DENND10: variants seen among roughly 807,000 people sequenced by gnomAD.
DENND10 encodes DENN domain containing 10.
Under a neutral mutation model 43.6 loss-of-function variants are expected in DENND10, and 24 were observed. That is an observed-to-expected ratio of 0.55 (90% CI 0.40 to 0.77). The LOEUF (loss-of-function observed/expected upper bound fraction) is 0.77. Ranked by LOEUF, DENND10 falls within the 30% of genes least tolerant of loss-of-function variation. The pLI is 0.00. For missense variants in DENND10, 303 were observed against 429.9 expected (o/e 0.70, Z 2.61); for synonymous variants, 125 against 157.6 (o/e 0.79, Z 1.55).
At chr10:119,130,129 C>T (rs996899605) in intron 7 of DENND10, among the ~76,000 whole-genome samples, 2 of 151,696 alleles carry the variant, frequency 1.3e-5, no homozygotes, top group Admixed American at 6.6e-5. Context: ...CTCAGCCTCC[C>T]GAGTAGTTGG....
At chr10:119,131,689 T>G (rs572041755) in intron 7 of DENND10, among the ~76,000 whole-genome samples, 1 of 152,338 alleles carries the variant, frequency 6.6e-6, no homozygotes, top group South Asian at 2.1e-4. Context: ...TTCAAATTAA[T>G]AGAACCATAA....
Position 119,136,668 on chromosome 10 carries a change from C to T in DENND10, c.*21C>T. ...TCTGACTGTGTGACAGAACGTATCACTGATGACTGATAGAAAGCCCTCTTT... is the reference window on the plus strand; with the variant it reads ...TCTGACTGTGTGACAGAACGTATCATTGATGACTGATAGAAAGCCCTCTTT... On this transcript the variant is annotated 3_prime_UTR_variant, in exon 9 of 9. Transcript: ENST00000361432. The T allele has an allele frequency of 8.0e-7, 1 of 1,253,772 alleles. No individual in the cohort carries two copies. The highest frequency in any genetic ancestry group is 1.1e-6 in the Non-Finnish European group (1 of 909,550). The allele number at this position is 1,253,772 out of a possible 1,614,324, so 77.7% of individuals were successfully genotyped here.
rs1846383757 is a variant in DENND10, at chr10:119,136,837, G to C, written c.*190G>C. On this transcript the variant is annotated 3_prime_UTR_variant, in exon 9 of 9. Transcript: ENST00000361432. Reference sequence around the variant, plus strand: ...ACACACTTCCGATTTTCTCCTCGCTGATTAGCTTCCTGCCTGCTGTCAGTG... The same window carrying C: ...ACACACTTCCGATTTTCTCCTCGCTCATTAGCTTCCTGCCTGCTGTCAGTG... 2 of 453,226 alleles carry C rather than the reference G, an allele frequency of 4.4e-6. No individual in the cohort carries two copies. Among genetic ancestry groups the C allele is most frequent in the Non-Finnish European group, 8.1e-6 (2 of 246,234 alleles). 28.1% of individuals were successfully genotyped at this position (453,226 alleles called of 1,614,324 possible).
chr10:119,104,602 G>A (rs1844596899), intron 1 of DENND10, among the ~76,000 whole-genome samples: 1 of 149,644 alleles, frequency 6.7e-6, no homozygotes, highest in Non-Finnish European at 1.5e-5. Flanking sequence ...GCGGCGCGGC[G>A]CGGCGGGGAG....
chr10:119,118,058 T>C (rs931605460), intron 4 of DENND10, among the ~76,000 whole-genome samples: 4 of 152,154 alleles, frequency 2.6e-5, no homozygotes, highest in African/African-American at 9.7e-5. Flanking sequence ...TTAGATCCTA[T>C]TGTGCCTAAT....
intron 2 of DENND10, among the ~76,000 whole-genome samples, chr10:119,109,072 C>T (rs926493067): frequency 1.7e-4 from 25 of 150,570 alleles, no homozygotes; most frequent in African/African-American, 5.8e-4. Flanking sequence ...AAAAATTAGC[C>T]GGGCGTGGTG....
intron 3 of DENND10, among the ~76,000 whole-genome samples, chr10:119,115,728 T>A (rs1170730522): frequency 6.6e-6 from 1 of 151,246 alleles, no homozygotes; most frequent in Non-Finnish European, 1.5e-5. Context: ...CTTGCTTTTT[T>A]CATTTAGTCT....
At chr10:119,129,997 T>G (rs1846009162) in intron 7 of DENND10, among the ~76,000 whole-genome samples, 1 of 152,018 alleles carries the variant, frequency 6.6e-6, no homozygotes, top group Non-Finnish European at 1.5e-5. Context: ...CACATATTCC[T>G]TTTTCTTTTC....
intron 2 of DENND10, among the ~76,000 whole-genome samples, chr10:119,109,389 G>A (rs939438372): frequency 6.6e-6 from 1 of 152,028 alleles, no homozygotes; most frequent in Non-Finnish European, 1.5e-5. Flanking sequence ...TCAAAGAATA[G>A]AATATTGGAA....
chr10:119,129,510 T>C lies in DENND10; in HGVS notation c.695-5T>C, dbSNP rs3802739. The C allele has an allele frequency of 0.4, 636,252 of 1,603,082 alleles. 132,076 individuals carry two copies. Among genetic ancestry groups the C allele is most frequent in the Non-Finnish European group, 0.43 (501,923 of 1,170,092 alleles). On this transcript the variant is annotated splice_region_variant and splice_polypyrimidine_tract_variant and intron_variant, in intron 6 of 8. Coordinates refer to ENST00000361432, the MANE Select transcript of DENND10 (RefSeq NM_207009.4). ...CCAGTAAGGTTGCTCATGTTTGTGA[T>C]GCAGGTTACGTCGCTGGATTTGTAG...
intron 5 of DENND10, among the ~76,000 whole-genome samples, chr10:119,121,487 T>A (rs2133496911): frequency 6.7e-6 from 1 of 149,248 alleles, no homozygotes; most frequent in African/African-American, 2.5e-5. Context: ...ATCTCTCGCT[T>A]TGTCACCAGG....
chr10:119,124,741 C>T (rs922405756), intron 6 of DENND10, among the ~76,000 whole-genome samples: 26 of 152,016 alleles, frequency 1.7e-4, no homozygotes, highest in African/African-American at 6.0e-4. Flanking sequence ...AGTACATTCA[C>T]GTTGTTGTTC....
chr10:119,120,005 T>C (rs1473776165), intron 4 of DENND10, among the ~76,000 whole-genome samples: 1 of 152,126 alleles, frequency 6.6e-6, no homozygotes, highest in Non-Finnish European at 1.5e-5. Flanking sequence ...CCCAACACTT[T>C]GGGAGGCTGA....
intron 6 of DENND10, 187 bp from the exon 7 acceptor site, chr10:119,129,328 G>C: frequency 1.7e-6 from 1 of 582,980 alleles, no homozygotes; most frequent in Non-Finnish European, 3.1e-6. Context: ...AATATCTGGC[G>C]TTGTGTGAAT....
chr10:119,121,257 A>G (rs1305839788), intron 5 of DENND10, among the ~76,000 whole-genome samples: 1 of 151,622 alleles, frequency 6.6e-6, no homozygotes, highest in East Asian at 1.9e-4. Context: ...TTGTTTACTA[A>G]ATCTAACTTG....
In DENND10 at chr10:119,123,382, T is replaced by G; in HGVS notation, c.594-87T>G. The G allele has an allele frequency of 3.2e-6, 3 of 951,102 alleles. No individual in the cohort carries two copies. The South Asian group carries it at 4.2e-5, about 13-fold the overall frequency. The allele number at this position is 951,102 out of a possible 1,614,324, so 58.9% of individuals were successfully genotyped here. ...TAGCTGTAGACTCTACCCTCTTCAT[T>G]TCCTTCTCAGGAAGAGGAGAAGGGG... On this transcript the variant is annotated intron_variant, in intron 5 of 8. Transcript: ENST00000361432.
chr10:119,115,703 C>CA (rs1845230584), intron 3 of DENND10, among the ~76,000 whole-genome samples: 1 of 150,918 alleles, frequency 6.6e-6, no homozygotes, highest in Non-Finnish European at 1.5e-5. Context: ...CAAAAGTTGG[C>CA]AAGCAGTTAA....
At chr10:119,123,351 C>T in intron 5 of DENND10, 118 bp from the exon 6 acceptor site, 1 of 694,484 alleles carries the variant, frequency 1.4e-6, no homozygotes, top group East Asian at 2.7e-5. Context: ...CACCTCTGTC[C>T]CTGATTAGCT....
intron 3 of DENND10, among the ~76,000 whole-genome samples, chr10:119,116,280 A>G (rs180757290): frequency 2.4e-4 from 37 of 152,320 alleles, no homozygotes; most frequent in Non-Finnish European, 4.4e-5. Context: ...TAACTTGACG[A>G]TGAATGTCTA....
Sources: allele counts gnomAD v4.1 joint callset (sites outside exome capture counted in the v4.1 genomes callset), GRCh38; gene constraint gnomAD v4.1.1; transcripts MANE v1.5; gene names NCBI Gene and HGNC (gene_info 2026-07-23, HGNC 2026-07-21).